STARD13: variants seen among roughly 807,000 people sequenced by gnomAD.
STARD13 encodes stAR-related lipid transfer protein 13.
Under a neutral mutation model 106.4 loss-of-function variants are expected in STARD13, and 62 were observed. The observed-to-expected ratio is 0.58, with a 90% confidence interval of 0.48 to 0.72. The LOEUF is 0.72. STARD13 is among the 30% of genes least tolerant of loss of function. The pLI is 0.00. For missense variants in STARD13, 1,387 were observed against 1,424.0 expected, an observed-to-expected ratio of 0.97 and a Z score of 0.42; for synonymous variants, 565 against 553.0, an observed-to-expected ratio of 1.02 and a Z score of -0.31.
At chr13:33,428,317 A>T in the STARD13 span, among the ~76,000 whole-genome samples, 1,596 of 152,322 alleles carry the variant, frequency 0.01, 33 homozygotes, top group African/African-American at 0.036. Context: ...AAACAAATAT[A>T]GAAATTAGAT....
chr13:33,126,343 C>G, intron 6 of STARD13, 103 bp from the exon 7 acceptor site: 1 of 1,103,020 alleles, frequency 9.1e-7, no homozygotes, highest in South Asian at 1.4e-5. Flanking sequence ...TTGGAATACC[C>G]AACAGATGCG....
intron 1 of STARD13, among the ~76,000 whole-genome samples, chr13:33,292,174 G>A (rs1223241958): frequency 6.6e-6 from 1 of 152,164 alleles, no homozygotes; most frequent in Non-Finnish European, 1.5e-5. Context: ...TTTGCTGGAA[G>A]TGGGTGAGAA....
At chr13:33,609,064 C>T in the STARD13 span, among the ~76,000 whole-genome samples, 6 of 118,762 alleles carry the variant, frequency 5.1e-5, no homozygotes, top group Admixed American at 3.3e-4. Context: ...CCAGCCTGGG[C>T]GACAGAGCGA....
the STARD13 span, among the ~76,000 whole-genome samples, chr13:33,384,250 GCTTTAA>G: frequency 6.6e-6 from 1 of 152,144 alleles, no homozygotes; most frequent in Non-Finnish European, 1.5e-5. Context: ...TCTTCCTTTA[GCTTTAA>G]CCCTGCTGTT....
chr13:33,391,122 C>A, the STARD13 span, among the ~76,000 whole-genome samples: 1 of 152,080 alleles, frequency 6.6e-6, no homozygotes, highest in Non-Finnish European at 1.5e-5. Context: ...TAAGAAAATT[C>A]ACCAAGAATA....
At chr13:33,461,605 A>T in the STARD13 span, among the ~76,000 whole-genome samples, 3 of 152,278 alleles carry the variant, frequency 2.0e-5, no homozygotes, top group East Asian at 5.8e-4. Flanking sequence ...AGTATTATTT[A>T]TACTTGTTAG....
At chr13:33,611,980 GGAAGA>G in the STARD13 span, among the ~76,000 whole-genome samples, 1 of 152,084 alleles carries the variant, frequency 6.6e-6, no homozygotes, top group South Asian at 2.1e-4. Context: ...CACAAGTCTG[GGAAGA>G]GAACACAAAA....
intron 1 of STARD13, among the ~76,000 whole-genome samples, chr13:33,176,408 T>C (rs923847281): frequency 6.6e-6 from 1 of 152,232 alleles, no homozygotes; most frequent in Non-Finnish European, 1.5e-5. Context: ...AATGATTTTC[T>C]AAACATGCAT....
the STARD13 span, among the ~76,000 whole-genome samples, chr13:33,484,043 G>A: frequency 1.7e-4 from 26 of 152,112 alleles, no homozygotes; most frequent in East Asian, 4.8e-3. Context: ...ATAAAATTAG[G>A]ATGTGGTTGA....
intron 1 of STARD13, chr13:33,281,001 T>C (rs1293201359): frequency 6.6e-6 from 1 of 152,202 alleles, no homozygotes; most frequent in Non-Finnish European, 1.5e-5. Flanking sequence ...ATATTCCACA[T>C]AATAAAGCCG....
intron 1 of STARD13, among the ~76,000 whole-genome samples, chr13:33,303,959 G>C (rs1892812072): frequency 6.6e-6 from 1 of 152,216 alleles, no homozygotes; most frequent in African/African-American, 2.4e-5. Flanking sequence ...GAGCTTCTTG[G>C]AAATGCAGAA....
At chr13:33,600,438 G>A in the STARD13 span, among the ~76,000 whole-genome samples, 1 of 152,178 alleles carries the variant, frequency 6.6e-6, no homozygotes, top group Admixed American at 6.5e-5. Flanking sequence ...AGAAGAAAGT[G>A]TTAACTCTTA....
chr13:33,419,183 T>C, the STARD13 span, among the ~76,000 whole-genome samples: 1 of 152,240 alleles, frequency 6.6e-6, no homozygotes, highest in Non-Finnish European at 1.5e-5. Flanking sequence ...TAAAGGAACA[T>C]GTTCTAACCC....
the STARD13 span, among the ~76,000 whole-genome samples, chr13:33,540,695 A>C: frequency 6.6e-6 from 1 of 152,268 alleles, no homozygotes; most frequent in Admixed American, 6.5e-5. Context: ...GTGGGAATAC[A>C]CAAAAATTCT....
intron 1 of STARD13, among the ~76,000 whole-genome samples, chr13:33,313,275 A>C (rs1305310248): frequency 6.6e-6 from 1 of 152,234 alleles, no homozygotes; most frequent in African/African-American, 2.4e-5. Flanking sequence ...AAATTTTATT[A>C]CAATGTAGCA....
At chr13:33,497,992 A>G in the STARD13 span, among the ~76,000 whole-genome samples, 2 of 152,338 alleles carry the variant, frequency 1.3e-5, no homozygotes, top group South Asian at 4.1e-4. Context: ...ATCAATAACA[A>G]CCAACTTTTT....
the STARD13 span, among the ~76,000 whole-genome samples, chr13:33,579,534 C>G: frequency 6.6e-6 from 1 of 151,804 alleles, no homozygotes; most frequent in Non-Finnish European, 1.5e-5. Flanking sequence ...GTACAATGTA[C>G]ACAGCTAGGG....
chr13:33,238,614 A>G (rs1187620879), intron 1 of STARD13, among the ~76,000 whole-genome samples: 3 of 152,186 alleles, frequency 2.0e-5, no homozygotes, highest in Non-Finnish European at 4.4e-5. Context: ...AGCAAGGAAC[A>G]GTAGAAAATC....
the STARD13 span, among the ~76,000 whole-genome samples, chr13:33,635,812 G>A: frequency 6.8e-6 from 1 of 147,768 alleles, no homozygotes; most frequent in Non-Finnish European, 1.5e-5. Flanking sequence ...GCGACACCCC[G>A]TCTCTACTAA....
Sources: gnomAD v4.1 joint callset for allele counts (sites outside exome capture counted in the v4.1 genomes callset) on GRCh38, gnomAD v4.1.1 for gene constraint, MANE v1.5 for transcripts, NCBI Gene and HGNC (gene_info 2026-07-23, HGNC 2026-07-21) for gene names.